Variants in DPP9 observed in about 807,000 individuals in gnomAD.
DPP9 encodes the protein dipeptidyl peptidase 9.
DPP9 carries 50 observed loss-of-function variants against 110.7 expected under a neutral mutation model. The ratio of observed to expected loss-of-function variants is 0.45; its 90% confidence interval spans 0.36 to 0.57. The LOEUF is 0.57. Among genes scored for constraint, DPP9 ranks in the 20% least tolerant of loss-of-function variants. The probability of loss-of-function intolerance (pLI) is 0.00; values close to 1 mark genes in which losing one functional copy is unlikely to be tolerated. For synonymous variants in DPP9, 561 were observed against 514.4 expected (o/e 1.09, Z -1.23); for missense variants, 1,022 against 1,217.9 (o/e 0.84, Z 2.39).
Position 4,694,522 on chromosome 19 carries a change from G to T in DPP9, c.1516+139C>A. On this transcript the variant is annotated intron_variant, in intron 13 of 21. Transcript: ENST00000262960. The surrounding 1 kb of genome is among the most constrained non-coding windows in gnomAD (Gnocchi z 4.0). ...CCAGATCATGCAGTCACTGGGGAAGGCTGGCTTCCTGCCGATCCCTGTTCC... is the reference window on the plus strand; with the variant it reads ...CCAGATCATGCAGTCACTGGGGAAGTCTGGCTTCCTGCCGATCCCTGTTCC... The T allele has an allele frequency of 2.7e-6, 3 of 1,114,352 alleles. No individual in the cohort carries two copies. The highest frequency in any genetic ancestry group is 1.5e-5 in the South Asian group (1 of 65,584). The allele number at this position is 1,114,352 out of a possible 1,614,324, so 69.0% of individuals were successfully genotyped here.
intron 2 of DPP9, among the ~76,000 whole-genome samples, chr19:4,720,619 T>G (rs1199762980): frequency 6.6e-6 from 1 of 152,180 alleles, no homozygotes; most frequent in East Asian, 1.9e-4. Flanking sequence ...TGGGGGCGAT[T>G]TGGCCCCTCA....
chr19:4,685,681 G>T lies in DPP9; in HGVS notation c.1976C>A (p.Ala659Asp). 6.2e-7 allele frequency: 1 copy of T among 1,613,132 alleles called. No individual in the cohort carries two copies. The highest frequency in any genetic ancestry group is 2.2e-5 in the East Asian group (1 of 44,870). The part of the protein sequence containing the change: ...RLYGMIYKPH[A>D]LQPGKKHPTV... The stretch of plus-strand genomic sequence containing the variant: ...GGGGTGCTTCTTCCCTGGCTGCAAG[G>T]CGTGGGGCTTGTAGATCATGCCGTA... Residue 659 changes from alanine (A) to aspartate (D), a missense_variant, in exon 17 of 22, where the codon GCC becomes GAC. This residue lies in a region of DPP9 where 810 missense variants were observed against 920.6 expected (regional missense o/e 0.88). Transcript: ENST00000262960. This position sits in a 1 kb window ranked among gnomAD's most constrained non-coding sequence, Gnocchi z 5.8.
At chr19:4,692,672 C>A (rs1330561535) in intron 13 of DPP9, among the ~76,000 whole-genome samples, 2 of 152,126 alleles carry the variant, frequency 1.3e-5, no homozygotes, top group East Asian at 3.8e-4. Context: ...TGGAGAGTGG[C>A]AGCTGCAGCT....
chr19:4,701,919 G>T lies in DPP9; in HGVS notation c.1012+108C>A, dbSNP rs188966203. ...CCTTCTACACCCCCATAGATGCCCA[G>T]AGCACACACATGCAGCTCAGAGGGC... On this transcript the variant is annotated intron_variant, in intron 9 of 21. Coordinates refer to ENST00000262960, the MANE Select transcript of DPP9 (RefSeq NM_139159.5). 282 of 1,468,324 alleles carry T rather than the reference G, an allele frequency of 1.9e-4. 1 individual carries two copies. The highest frequency in any genetic ancestry group is 8.2e-4 in the Admixed American group (38 of 46,542). The allele number at this position is 1,468,324 out of a possible 1,614,324, so 91.0% of individuals were successfully genotyped here.
chr19:4,688,701 C>T (rs922836657), intron 16 of DPP9, 56 bp downstream of exon 16: 3 of 1,369,554 alleles, frequency 2.2e-6, no homozygotes, highest in East Asian at 6.1e-5. Flanking sequence ...GGCCCTCGTC[C>T]CGTTTTACAG....
Position 4,700,338 on chromosome 19 carries a change from G to T in DPP9, c.1013-61C>A. 1 of 1,435,260 alleles carries T rather than the reference G, an allele frequency of 7.0e-7. No homozygotes were observed. The highest frequency in any genetic ancestry group is 9.5e-7 in the Non-Finnish European group (1 of 1,050,130). 88.9% of individuals were successfully genotyped at this position (1,435,260 alleles called of 1,614,324 possible). A position where few individuals can be genotyped will look rare whatever the true frequency, so the allele number is the denominator to read the frequency against. ...CATCACCCGTGTGTGCCGAGAGCCG[G>T]CACGGGGGGCCTGGGCTGTGGGGTG... On this transcript the variant is annotated intron_variant, in intron 9 of 21. Transcript: ENST00000262960. This position sits in a 1 kb window ranked among gnomAD's most constrained non-coding sequence, Gnocchi z 4.3.
At chr19:4,691,506 G>A (rs2091313351) in intron 13 of DPP9, among the ~76,000 whole-genome samples, 1 of 150,118 alleles carries the variant, frequency 6.7e-6, no homozygotes, top group African/African-American at 2.5e-5. Flanking sequence ...AAAACAGGAA[G>A]AGAAACCAGG....
chr19:4,699,730 C>G (rs1217652100), intron 10 of DPP9, among the ~76,000 whole-genome samples: 3 of 152,138 alleles, frequency 2.0e-5, no homozygotes, highest in Admixed American at 6.5e-5. Flanking sequence ...CCAGAACACT[C>G]TCCTCCCCAC....
rs2091981351 is a variant in DPP9 at position 4,698,501 on chromosome 19, C to T, written c.1075-850G>A. Among the ~76,000 whole-genome samples, 1 of 152,172 alleles carries T rather than the reference C, an allele frequency of 6.6e-6. No homozygotes were observed. Among genetic ancestry groups the T allele is most frequent in the African/African-American group, 2.4e-5 (1 of 41,440 alleles). On this transcript the variant is annotated intron_variant, in intron 10 of 21. Transcript: ENST00000262960. This position sits in a 1 kb window ranked among gnomAD's most constrained non-coding sequence, Gnocchi z 4.2. Reference sequence around the variant, plus strand: ...GTGCGGTGGCTCACACCTGTAATCCCAGCACCTTGAGAGGCTGAGGCAGGT... The same window carrying T: ...GTGCGGTGGCTCACACCTGTAATCCTAGCACCTTGAGAGGCTGAGGCAGGT...
rs2090366464 is a variant in DPP9, at chr19:4,684,284, C to T, written c.2178+379G>A. On this transcript the variant is annotated intron_variant, in intron 18 of 21. Transcript: ENST00000262960. The surrounding 1 kb of genome is among the most constrained non-coding windows in gnomAD (Gnocchi z 4.8). ...CCTCGTGGGAACAGAGAGCAGCCCT[C>T]CCCGACACAGCCCTGCCTTGGCCTT... 3.4e-6 allele frequency: 1 copy of T among 291,014 alleles called. No homozygotes were observed. Among genetic ancestry groups the T allele is most frequent in the Non-Finnish European group, 6.6e-6 (1 of 150,866 alleles). 18.0% of individuals were successfully genotyped at this position (291,014 alleles called of 1,614,324 possible). A position where few individuals can be genotyped will look rare whatever the true frequency, so the allele number is the denominator to read the frequency against.
In DPP9 at chr19:4,710,214, C is replaced by T. The variant is rs2092766965; in HGVS notation, c.313+3867G>A. 6.6e-6 allele frequency among the ~76,000 whole-genome samples: 1 copy of T among 152,226 alleles called. No individual in the cohort carries two copies. The highest frequency in any genetic ancestry group is 1.5e-5 in the Non-Finnish European group (1 of 68,038). ...ATTTCCCGTCACTGCACGCTGTGGC[C>T]TCGAGTGGCTGGCCTGGTGGGGGAT... On this transcript the variant is annotated intron_variant, in intron 4 of 21. Coordinates refer to ENST00000262960, the MANE Select transcript of DPP9 (RefSeq NM_139159.5). This position sits in a 1 kb window ranked among gnomAD's most constrained non-coding sequence, Gnocchi z 5.6.
rs1354979244 is a variant in DPP9 at position 4,676,514 on chromosome 19, G to A, written c.*50C>T. 6 of 1,499,886 alleles carry A rather than the reference G, an allele frequency of 4.0e-6. No individual in the cohort carries two copies. The highest frequency in any genetic ancestry group is 2.4e-5 in the East Asian group (1 of 41,410). The allele number at this position is 1,499,886 out of a possible 1,614,324, so 92.9% of individuals were successfully genotyped here. A position where few individuals can be genotyped will look rare whatever the true frequency, so the allele number is the denominator to read the frequency against. On this transcript the variant is annotated 3_prime_UTR_variant, in exon 22 of 22. Transcript: ENST00000262960. The surrounding 1 kb of genome is among the most constrained non-coding windows in gnomAD (Gnocchi z 4.0). ...CAGTCCCTCCCGCCTGGTTCCCCGC[G>A]GAGGCTGCAGCCACTTGTGCTGTGA...
At position 4,694,616 on chromosome 19, in the gene DPP9, G is replaced by GT. The variant is rs1438807725; in HGVS notation, c.1516+44dup. On this transcript the variant is annotated intron_variant, in intron 13 of 21. Coordinates refer to ENST00000262960, the MANE Select transcript of DPP9 (RefSeq NM_139159.5). This position sits in a 1 kb window ranked among gnomAD's most constrained non-coding sequence, Gnocchi z 4.0. ...GAACAAACAGCATATTGAACCACACGTGACTAACGCGATGAGTCGACAGCA... is the reference window on the plus strand; with the variant it reads ...GAACAAACAGCATATTGAACCACACGTTGACTAACGCGATGAGTCGACAGCA... 1.3e-6 allele frequency: 2 copies of GT among 1,584,108 alleles called. No individual in the cohort carries two copies. The highest frequency in any genetic ancestry group is 4.6e-5 in the East Asian group (2 of 43,588).
rs760651078 is a variant in DPP9 at position 4,688,884 on chromosome 19, G to A, written c.1758C>T (p.Asp586=). The change falls in exon 16 of 22, where the codon GAC becomes GAT. Residue 586 remains aspartate (D), a synonymous_variant. Coordinates refer to ENST00000262960, the MANE Select transcript of DPP9 (RefSeq NM_139159.5). ...SHSCSMSQNF[D]MFVSHYSSVS... ...CGCTGCTGTAGTGGCTGACGAACAT[G>A]TCGAAGTTCTGGGGGTGGAATGGGG... is the stretch of plus-strand genomic sequence containing the variant. 2 of 1,520,298 alleles carry A rather than the reference G, an allele frequency of 1.3e-6. No homozygotes were observed. Among genetic ancestry groups the A allele is most frequent in the Admixed American group, 4.9e-5 (2 of 40,640 alleles). The allele number at this position is 1,520,298 out of a possible 1,614,324, so 94.2% of individuals were successfully genotyped here. A position where few individuals can be genotyped will look rare whatever the true frequency, so the allele number is the denominator to read the frequency against.
intron 5 of DPP9, 100 bp downstream of exon 5, chr19:4,705,757 CG>C (rs1378634009): frequency 2.7e-5 from 31 of 1,138,070 alleles, no homozygotes; most frequent in Non-Finnish European, 3.5e-5. Flanking sequence ...AACTCACAGC[CG>C]GTGGGGCAGA....
rs1182859884 is a variant in DPP9, at chr19:4,698,925, G to A, written c.1075-1274C>T. ...TGTAATCCCAACACTTTGGGAGGCC[G>A]AGGCGGGCGGATCACGAGGTCAGGA... On this transcript the variant is annotated intron_variant, in intron 10 of 21. Transcript: ENST00000262960. The surrounding 1 kb of genome is among the most constrained non-coding windows in gnomAD (Gnocchi z 4.2). 2.0e-5 allele frequency among the ~76,000 whole-genome samples: 3 copies of A among 152,120 alleles called. No individual in the cohort carries two copies. The highest frequency in any genetic ancestry group is 1.9e-4 in the East Asian group (1 of 5,192).
At position 4,710,756 on chromosome 19, in the gene DPP9, G is replaced by A. The variant is rs562588424; in HGVS notation, c.313+3325C>T. Among the ~76,000 whole-genome samples, 4 of 152,280 alleles carry A rather than the reference G, an allele frequency of 2.6e-5. No individual in the cohort carries two copies. Among genetic ancestry groups the A allele is most frequent in the East Asian group, 1.9e-4 (1 of 5,172 alleles). On this transcript the variant is annotated intron_variant, in intron 4 of 21. Transcript: ENST00000262960. The surrounding 1 kb of genome is among the most constrained non-coding windows in gnomAD (Gnocchi z 5.6). ...CCTGCCCCGAGAACCTGGATGTGAC[G>A]TGAGCTCAGTGCTGCCCCTGACAGT...
rs1025321640 is a variant in DPP9, at chr19:4,676,102, C to T, written c.*462G>A. ...TTTTAAATAATTATGAAAAATATCC[C>T]CCCAAACAAAACACAAACATCAAGT... On this transcript the variant is annotated 3_prime_UTR_variant, in exon 22 of 22. Transcript: ENST00000262960. This position sits in a 1 kb window ranked among gnomAD's most constrained non-coding sequence, Gnocchi z 4.0. The T allele has an allele frequency of 2.5e-4, 42 of 166,714 alleles. No individual in the cohort carries two copies. The highest frequency in any genetic ancestry group is 9.8e-4 in the African/African-American group (41 of 41,712). 10.3% of individuals were successfully genotyped at this position (166,714 alleles called of 1,614,324 possible). A position where few individuals can be genotyped will look rare whatever the true frequency, so the allele number is the denominator to read the frequency against.
rs1348463200 is a variant in DPP9 at position 4,722,509 on chromosome 19, G to C, written c.-46C>G. 1 of 703,054 alleles carries C rather than the reference G, an allele frequency of 1.4e-6. No individual in the cohort carries two copies. The highest frequency in any genetic ancestry group is 2.0e-5 in the Admixed American group (1 of 50,006). 43.6% of individuals were successfully genotyped at this position (703,054 alleles called of 1,614,324 possible). On this transcript the variant is annotated 5_prime_UTR_variant, in exon 2 of 22. Coordinates refer to ENST00000262960, the MANE Select transcript of DPP9 (RefSeq NM_139159.5). The stretch of plus-strand genomic sequence containing the variant: ...CCCAGCACAACTGACCTTCTAAAGG[G>C]TCCAGAGAGCCTCCATTCCAGCTGC...
Sources: gnomAD v4.1 joint callset for allele counts (sites outside exome capture counted in the v4.1 genomes callset) on GRCh38, gnomAD v4.1.1 for gene constraint, gnomAD v4.1.1 regional missense constraint, Gnocchi (gnomAD v3.1) non-coding constraint, MANE v1.5 for transcripts, NCBI Gene and HGNC (gene_info 2026-07-23, HGNC 2026-07-21) for gene names.